Variants in CACNA1D observed in about 807,000 individuals in gnomAD.
CACNA1D encodes the protein voltage-dependent L-type calcium channel subunit alpha-1D.
CACNA1D carries 55 observed loss-of-function variants against 257.1 expected under a neutral mutation model. That is an observed-to-expected ratio of 0.21 (90% CI 0.17 to 0.27). The LOEUF is 0.27. Ranked by LOEUF, CACNA1D falls within the 10% of genes least tolerant of loss-of-function variation. CACNA1D has a pLI of 1.00. For synonymous variants in CACNA1D, 980 were observed against 1,014.9 expected (o/e 0.97, Z 0.65); for missense variants, 1,876 against 2,784.0 (o/e 0.67, Z 7.34).
intron 40 of CACNA1D, among the ~76,000 whole-genome samples, chr3:53,798,329 G>A (rs985877824): frequency 3.1e-5 from 4 of 127,510 alleles, no homozygotes; most frequent in African/African-American, 8.5e-5. Context: ...GTGTGTGTGC[G>A]TGTGTGTGCG....
chr3:53,522,263 C>T (rs2091609429), intron 3 of CACNA1D, among the ~76,000 whole-genome samples: 1 of 152,168 alleles, frequency 6.6e-6, no homozygotes, highest in Admixed American at 6.5e-5. Context: ...GCATTCTGTC[C>T]ACTCCTGACC....
intron 47 of CACNA1D, among the ~76,000 whole-genome samples, chr3:53,810,779 A>AC (rs1477349284): frequency 8.4e-6 from 1 of 119,328 alleles, no homozygotes; most frequent in Admixed American, 8.6e-5. Flanking sequence ...AAAAAAAAAA[A>AC]AAAAAAACAA....
At chr3:53,808,846 C>G in intron 46 of CACNA1D, 76 bp downstream of exon 46, 1 of 1,501,776 alleles carries the variant, frequency 6.7e-7, no homozygotes, top group Non-Finnish European at 9.1e-7. Context: ...ACTCCCTTCT[C>G]CTTGGCCTTA....
intron 44 of CACNA1D, among the ~76,000 whole-genome samples, chr3:53,804,517 C>G (rs186899305): frequency 5.3e-5 from 8 of 152,162 alleles, no homozygotes; most frequent in African/African-American, 1.4e-4. Flanking sequence ...GAAAACCTCA[C>G]GAACCGCATG....
At chr3:53,756,027 A>G (rs7373113) in intron 29 of CACNA1D, among the ~76,000 whole-genome samples, 1 of 151,976 alleles carries the variant, frequency 6.6e-6, no homozygotes, top group African/African-American at 2.4e-5. Flanking sequence ...AGCTTTGTAA[A>G]AGGGTCCCTC....
At chr3:53,562,015 G>A (rs771160231) in intron 3 of CACNA1D, among the ~76,000 whole-genome samples, 5 of 152,164 alleles carry the variant, frequency 3.3e-5, no homozygotes, top group South Asian at 4.1e-4. Flanking sequence ...GTGCTGCTTC[G>A]TGCCAGATAG....
At chr3:53,520,858 C>T (rs552687131) in intron 3 of CACNA1D, among the ~76,000 whole-genome samples, 2 of 73,184 alleles carry the variant, frequency 2.7e-5, no homozygotes, top group African/African-American at 1.5e-4. Context: ...TCCTTTCTTT[C>T]TTTCTTTCTT....
Position 53,809,897 on chromosome 3 carries a change from G to A in CACNA1D, c.5872-81G>A, listed in dbSNP as rs140773837. On this transcript the variant is annotated intron_variant, in intron 46 of 47. Coordinates refer to ENST00000350061, the MANE Select transcript of CACNA1D (RefSeq NM_001128840.3). ...GACTGCCCCTGGCGAGCGCAGCGCC[G>A]GTGCTTGGTCTGTGCGCAGAAGGTT... 1,624 of 1,330,292 alleles carry A rather than the reference G, an allele frequency of 1.2e-3. 10 individuals are homozygous for A. In the African/African-American group the frequency reaches 0.015, roughly 12 times the overall value. 82.4% of individuals were successfully genotyped at this position (1,330,292 alleles called of 1,614,324 possible).
At chr3:53,722,893 T>A (rs1231956511) in intron 12 of CACNA1D, among the ~76,000 whole-genome samples, 1 of 152,194 alleles carries the variant, frequency 6.6e-6, no homozygotes, top group Non-Finnish European at 1.5e-5. Flanking sequence ...CATTCTGGGT[T>A]TGACAGTTTT....
chr3:53,642,093 A>C (rs529004316), intron 3 of CACNA1D, among the ~76,000 whole-genome samples: 1 of 152,310 alleles, frequency 6.6e-6, no homozygotes, highest in Admixed American at 6.5e-5. Flanking sequence ...AGGGGAGAGA[A>C]GGGAATTTTT....
rs2095600958 is a variant in CACNA1D at position 53,811,518 on chromosome 3, T to C, written c.*112T>C. 1.2e-6 allele frequency: 1 copy of C among 845,960 alleles called. No homozygotes were observed. The highest frequency in any genetic ancestry group is 2.0e-5 in the South Asian group (1 of 50,774). The allele number at this position is 845,960 out of a possible 1,614,324, so 52.4% of individuals were successfully genotyped here. A position where few individuals can be genotyped will look rare whatever the true frequency, so the allele number is the denominator to read the frequency against. ...GCACTAGTTGGGAGTAATATTCAATTAATTAGACTTTTGTATAAGAGATGT... is the reference window on the plus strand; with the variant it reads ...GCACTAGTTGGGAGTAATATTCAATCAATTAGACTTTTGTATAAGAGATGT... On this transcript the variant is annotated 3_prime_UTR_variant, in exon 48 of 48. Coordinates refer to ENST00000350061, the MANE Select transcript of CACNA1D (RefSeq NM_001128840.3). This position sits in a 1 kb window ranked among gnomAD's most constrained non-coding sequence, Gnocchi z 4.2.
At position 53,813,201 on chromosome 3, in the gene CACNA1D, TAAGACATTC is replaced by T. The variant is rs2095608472; in HGVS notation, c.*1796_*1804del. ...TATGAAGACCTTACAAACCTCTTCT[TAAGACATTC>T]TTACTCTGATCCAGGCAAAAACACT... On this transcript the variant is annotated 3_prime_UTR_variant, in exon 48 of 48. Coordinates refer to ENST00000350061, the MANE Select transcript of CACNA1D (RefSeq NM_001128840.3). The T allele has an allele frequency of 3.3e-5, 5 of 151,124 alleles. No homozygotes were observed. 9.4% of individuals were successfully genotyped at this position (151,124 alleles called of 1,614,324 possible).
chr3:53,789,854 G>A lies in CACNA1D; in HGVS notation c.4923+2902G>A, dbSNP rs973206257. 6.6e-6 allele frequency among the ~76,000 whole-genome samples: 1 copy of A among 152,184 alleles called. No individual in the cohort carries two copies. Among genetic ancestry groups the A allele is most frequent in the Non-Finnish European group, 1.5e-5 (1 of 68,034 alleles). On this transcript the variant is annotated intron_variant, in intron 40 of 47. Coordinates refer to ENST00000350061, the MANE Select transcript of CACNA1D (RefSeq NM_001128840.3). The surrounding 1 kb of genome is among the most constrained non-coding windows in gnomAD (Gnocchi z 4.2). ...TATACGCACTGTGGTTTTGAACCCTGTGGGCTCCATCTGATCTCCCTGTGT... is the reference window on the plus strand; with the variant it reads ...TATACGCACTGTGGTTTTGAACCCTATGGGCTCCATCTGATCTCCCTGTGT...
At position 53,542,553 on chromosome 3, in the gene CACNA1D, C is replaced by T. The variant is rs530667060; in HGVS notation, c.483+40833C>T. ...TTTGACTGTGCCACTACATTCCAGC[C>T]TGGGCAACAGAGCAAGACCCTGTTG... On this transcript the variant is annotated intron_variant, in intron 3 of 47. Transcript: ENST00000350061. Among the ~76,000 whole-genome samples the T allele has an allele frequency of 3.3e-5, 5 of 151,576 alleles. No individual in the cohort carries two copies. The East Asian group carries it at 9.7e-4, about 29-fold the overall frequency.
intron 3 of CACNA1D, chr3:53,530,172 CGAA>C (rs1239893675): frequency 6.6e-6 from 1 of 152,116 alleles, no homozygotes; most frequent in East Asian, 1.9e-4. Flanking sequence ...TAGAAGAAAA[CGAA>C]GCATCAATTT....
intron 3 of CACNA1D, among the ~76,000 whole-genome samples, chr3:53,537,197 A>T (rs2092139758): frequency 6.6e-6 from 1 of 152,182 alleles, no homozygotes; most frequent in African/African-American, 2.4e-5. Flanking sequence ...TTTTGTTTAT[A>T]CTAGAATATA....
At chr3:53,747,573 C>G (rs1354564424) in intron 26 of CACNA1D, 125 bp downstream of exon 26, 9 of 940,446 alleles carry the variant, frequency 9.6e-6, no homozygotes, top group Non-Finnish European at 1.5e-5. Flanking sequence ...GCTTTTTAAC[C>G]TTGGGCCACT....
Position 53,781,640 on chromosome 3 carries a change from C to A in CACNA1D, c.4765C>A (p.Leu1589Ile), listed in dbSNP as rs151242863. The change falls in exon 39 of 48, where the codon CTT (leucine) becomes ATT (isoleucine). Residue 1589 changes from leucine to isoleucine, a missense_variant. This residue lies in a region of CACNA1D where 160 missense variants were observed against 236.6 expected (regional missense o/e 0.68). Coordinates refer to ENST00000350061, the MANE Select transcript of CACNA1D (RefSeq NM_001128840.3). ...TTGGAAGAAAACCAGCATGAAATTA[C>A]TTGACCAAGTTGTCCCTCCAGCTGG... is the stretch of plus-strand genomic sequence containing the variant. ...KIWKKTSMKL[L>I]DQVVPPAGDD... 16 of 1,613,546 alleles carry A rather than the reference C, an allele frequency of 9.9e-6. No individual in the cohort carries two copies. The highest frequency in any genetic ancestry group is 1.4e-5 in the Non-Finnish European group (16 of 1,179,404).
chr3:53,675,940 G>A lies in CACNA1D; in HGVS notation c.1220+2814G>A, dbSNP rs754352610. 1.4e-3 allele frequency among the ~76,000 whole-genome samples: 215 copies of A among 152,132 alleles called. 9 individuals carry two copies. Among genetic ancestry groups the A allele is most frequent in the Non-Finnish European group, 4.0e-4 (27 of 68,028 alleles). Reference sequence around the variant, plus strand: ...CTCTCTACTCCCCCAGAAGGCCTCCGGTAGGGCTGGTTTGGGTAAAGGCAG... The same window carrying A: ...CTCTCTACTCCCCCAGAAGGCCTCCAGTAGGGCTGGTTTGGGTAAAGGCAG... On this transcript the variant is annotated intron_variant, in intron 8 of 47. Transcript: ENST00000350061.
Sources: allele counts gnomAD v4.1 joint callset (sites outside exome capture counted in the v4.1 genomes callset), GRCh38; gene constraint gnomAD v4.1.1; regional missense constraint gnomAD v4.1.1; non-coding constraint Gnocchi (gnomAD v3.1); transcripts MANE v1.5; gene names NCBI Gene and HGNC (gene_info 2026-07-23, HGNC 2026-07-21).